Variants in RAB28 observed in about 807,000 individuals in gnomAD.
RAB28 encodes the protein ras-related protein Rab-28.
A neutral mutation model predicts 31.7 loss-of-function variants in RAB28; 24 were observed. The ratio of observed to expected loss-of-function variants is 0.76; its 90% CI spans 0.55 to 1.06. The LOEUF is 1.06. RAB28 is among the 50% of genes least tolerant of loss of function. The pLI is 0.00. For missense variants in RAB28, 254 were observed against 258.5 expected, an observed-to-expected ratio of 0.98 and a Z score of 0.12; for synonymous variants, 100 against 90.4, an observed-to-expected ratio of 1.11 and a Z score of -0.60.
chr4:13,382,473 T>A (rs142695703), intron 4 of RAB28, among the ~76,000 whole-genome samples: 1 of 151,970 alleles, frequency 6.6e-6, no homozygotes, highest in East Asian at 1.9e-4. Flanking sequence ...CCCAAATGAC[T>A]TGTAAAAACT....
chr4:13,426,041 T>G (rs1713463173), intron 4 of RAB28, among the ~76,000 whole-genome samples: 1 of 152,200 alleles, frequency 6.6e-6, no homozygotes, highest in Non-Finnish European at 1.5e-5. Context: ...AACATCACAT[T>G]GATAACTTTA....
chr4:13,474,133 T>C, intron 3 of RAB28, 185 bp downstream of exon 3: 1 of 728,678 alleles, frequency 1.4e-6, no homozygotes. Context: ...CTCACCCAAA[T>C]CACTCCAAAC....
At chr4:13,462,304 A>G (rs1335650117) in intron 3 of RAB28, among the ~76,000 whole-genome samples, 1 of 152,174 alleles carries the variant, frequency 6.6e-6, no homozygotes, top group African/African-American at 2.4e-5. Context: ...CACTGAACAG[A>G]GTTGGGGAGG....
At chr4:13,459,671 A>T in intron 4 of RAB28, 1 of 785,518 alleles carries the variant, frequency 1.3e-6, no homozygotes, top group Non-Finnish European at 1.5e-6. Flanking sequence ...TCTCCCTAGT[A>T]CACTCTTTCT....
intron 4 of RAB28, among the ~76,000 whole-genome samples, chr4:13,409,571 G>A (rs1457693512): frequency 6.6e-6 from 1 of 152,148 alleles, no homozygotes; most frequent in Non-Finnish European, 1.5e-5. Context: ...AGGAGCTGGA[G>A]GAAATGCAGG....
chr4:13,453,090 T>G (rs1426269133), intron 4 of RAB28, among the ~76,000 whole-genome samples: 2 of 152,152 alleles, frequency 1.3e-5, no homozygotes, highest in Non-Finnish European at 2.9e-5. Context: ...GTATAGCTAC[T>G]CCTGATTGCT....
At chr4:13,478,175 T>A (rs1234051679) in intron 2 of RAB28, among the ~76,000 whole-genome samples, 1 of 151,662 alleles carries the variant, frequency 6.6e-6, no homozygotes, top group Admixed American at 6.6e-5. Flanking sequence ...GTATTCTGAA[T>A]GCAGCATAGA....
rs993011103 is a variant in RAB28, at chr4:13,371,855, T to C, written c.574-3205A>G. On this transcript the variant is annotated intron_variant, in intron 6 of 6. Transcript: ENST00000330852. ...TCTCTATTAGTTGATGAAATGAAAA[T>C]AATGAAATGGCCCTAAGAGGAAAAG... 3.9e-6 allele frequency: 6 copies of C among 1,545,324 alleles called. No homozygotes were observed. The African/African-American group carries it at 8.2e-5, about 21-fold the overall frequency.
intron 4 of RAB28, among the ~76,000 whole-genome samples, chr4:13,401,998 C>A (rs953283458): frequency 6.6e-6 from 1 of 152,146 alleles, no homozygotes; most frequent in Non-Finnish European, 1.5e-5. Flanking sequence ...AATGTATTTC[C>A]TCTTTGGCCC....
At chr4:13,415,593 T>C (rs1712721573) in intron 4 of RAB28, among the ~76,000 whole-genome samples, 2 of 152,144 alleles carry the variant, frequency 1.3e-5, no homozygotes, top group Admixed American at 6.5e-5. Flanking sequence ...CCACTGGCAC[T>C]GCGCTCGATT....
intron 2 of RAB28, among the ~76,000 whole-genome samples, chr4:13,479,212 G>A (rs1716496581): frequency 1.3e-5 from 2 of 151,576 alleles, no homozygotes; most frequent in African/African-American, 4.8e-5. Flanking sequence ...GCCAAAAACA[G>A]GGAAGGAGTG....
chr4:13,472,089 G>T (rs977410077), intron 3 of RAB28, among the ~76,000 whole-genome samples: 2 of 151,988 alleles, frequency 1.3e-5, no homozygotes, highest in Admixed American at 1.3e-4. Flanking sequence ...ACTGACTTAA[G>T]GAAATGGTCA....
chr4:13,423,493 A>G (rs964904462), intron 4 of RAB28, among the ~76,000 whole-genome samples: 4 of 152,106 alleles, frequency 2.6e-5, no homozygotes, highest in Admixed American at 2.6e-4. Context: ...CGGGGGGGAA[A>G]AAAAAAGGTG....
chr4:13,406,464 G>A (rs1326446154), intron 4 of RAB28, among the ~76,000 whole-genome samples: 5 of 152,142 alleles, frequency 3.3e-5, no homozygotes, highest in African/African-American at 4.8e-5. Flanking sequence ...ATAAACATAG[G>A]TGTGTATGTG....
intron 4 of RAB28, among the ~76,000 whole-genome samples, chr4:13,386,268 T>C (rs1403079113): frequency 6.6e-6 from 1 of 151,854 alleles, no homozygotes; most frequent in Non-Finnish European, 1.5e-5. Context: ...TGGTACCTAA[T>C]TAAACTAAAG....
At chr4:13,433,138 G>GAAAAAA (rs1159582203) in intron 4 of RAB28, among the ~76,000 whole-genome samples, 1 of 69,494 alleles carries the variant, frequency 1.4e-5, no homozygotes. Flanking sequence ...GCAAATGAAA[G>GAAAAAA]AAAAAAAAAA....
chr4:13,443,738 C>T (rs1714539414), intron 4 of RAB28, among the ~76,000 whole-genome samples: 1 of 152,136 alleles, frequency 6.6e-6, no homozygotes, highest in Non-Finnish European at 1.5e-5. Flanking sequence ...ATTTTCATGT[C>T]TATGTTTCTA....
At chr4:13,431,689 C>T (rs995916469) in intron 4 of RAB28, among the ~76,000 whole-genome samples, 2 of 152,068 alleles carry the variant, frequency 1.3e-5, no homozygotes, top group African/African-American at 2.4e-5. Flanking sequence ...AAGGAGCCCA[C>T]ACAGAGCCTT....
At chr4:13,448,059 C>T (rs532446947) in intron 4 of RAB28, among the ~76,000 whole-genome samples, 2 of 152,202 alleles carry the variant, frequency 1.3e-5, no homozygotes, top group Admixed American at 6.5e-5. Context: ...TGTCCAAGCT[C>T]ACGTAACTAG....
Sources: allele counts gnomAD v4.1 joint callset (sites outside exome capture counted in the v4.1 genomes callset), GRCh38; gene constraint gnomAD v4.1.1; transcripts MANE v1.5; gene names NCBI Gene and HGNC (gene_info 2026-07-23, HGNC 2026-07-21).